Variants in LARS2 observed in about 807,000 individuals in gnomAD.
LARS2 encodes the protein leucyl-tRNA synthetase 2, mitochondrial, also known as leucine--tRNA ligase, mitochondrial.
A neutral mutation model predicts 116.6 loss-of-function variants in LARS2; 81 were observed. That is an observed-to-expected ratio of 0.69 (90% CI 0.58 to 0.84). The LOEUF (loss-of-function observed/expected upper bound fraction) is 0.84, where lower values mean the gene tolerates loss of function less well. Among genes scored for constraint, LARS2 ranks in the 40% least tolerant of loss-of-function variants. The pLI, the probability that LARS2 is intolerant of heterozygous loss-of-function variation, is 0.00. For synonymous variants in LARS2, 396 were observed against 407.2 expected (o/e 0.97, Z 0.33); for missense variants, 968 against 1,114.5 (o/e 0.87, Z 1.87).
chr3:45,394,950 G>A (rs1242630110), intron 3 of LARS2, among the ~76,000 whole-genome samples: 1 of 152,158 alleles, frequency 6.6e-6, no homozygotes, highest in Non-Finnish European at 1.5e-5. Flanking sequence ...CAATGTGGTG[G>A]ATGCACACAT....
chr3:45,539,405 C>T (rs760367859), intron 20 of LARS2, among the ~76,000 whole-genome samples: 82 of 152,124 alleles, frequency 5.4e-4, no homozygotes, highest in Non-Finnish European at 7.8e-4. Flanking sequence ...CTGAGGCAGG[C>T]GGATCGCTTG....
At chr3:45,488,923 C>A in intron 12 of LARS2, 111 bp downstream of exon 12, 1 of 763,910 alleles carries the variant, frequency 1.3e-6, no homozygotes, top group South Asian at 1.4e-5. Flanking sequence ...CCATACCTAA[C>A]AGCCTTGTGG....
rs138130091 is a variant in LARS2, at chr3:45,467,804, A to T, written c.751-6439A>T. On this transcript the variant is annotated intron_variant, in intron 8 of 21. Transcript: ENST00000645846. ...TCTCTTCCAAATTTTCCATAAAAAG[A>T]TTATTGCTGGGCAAGGTGGCTCATG... Among the ~76,000 whole-genome samples, 843 of 152,332 alleles carry T rather than the reference A, an allele frequency of 5.5e-3. 3 individuals are homozygous for T. The highest frequency in any genetic ancestry group is 9.0e-3 in the Non-Finnish European group (614 of 68,024).
At chr3:45,471,313 A>T (rs963984611) in intron 8 of LARS2, among the ~76,000 whole-genome samples, 6 of 152,186 alleles carry the variant, frequency 3.9e-5, no homozygotes, top group Non-Finnish European at 7.3e-5. Flanking sequence ...GTTGTTCGAG[A>T]TGTTGATTTC....
At position 45,516,094 on chromosome 3, in the gene LARS2, G is replaced by A. The variant is rs1268401733; in HGVS notation, c.1862G>A (p.Gly621Asp). The change falls in exon 17 of 22, where the codon GGT becomes GAT. Residue 621 changes from glycine (G) to aspartate (D), a missense_variant and splice_region_variant. Transcript: ENST00000645846. ...ACCTATGGATTATTTTGGCATCTAG[G>A]TTCCGTTCCTGTTCATGCAAAAACG... The part of the protein sequence containing the change: ...YLQREEVDLT[G>D]SVPVHAKTKE... 6.2e-7 allele frequency: 1 copy of A among 1,613,492 alleles called. No homozygotes were observed. Among genetic ancestry groups the A allele is most frequent in the African/African-American group, 1.3e-5 (1 of 74,898 alleles).
intron 7 of LARS2, among the ~76,000 whole-genome samples, chr3:45,450,699 C>T (rs748829794): frequency 5.3e-5 from 8 of 152,146 alleles, no homozygotes; most frequent in Non-Finnish European, 1.0e-4. Flanking sequence ...GATATCTCTT[C>T]GGTAATCCTG....
intron 8 of LARS2, among the ~76,000 whole-genome samples, chr3:45,468,589 C>T (rs551107546): frequency 1.1e-4 from 16 of 152,294 alleles, no homozygotes; most frequent in South Asian, 2.1e-4. Context: ...TGGCCTTCAT[C>T]GTCTGCATTC....
intron 7 of LARS2, among the ~76,000 whole-genome samples, chr3:45,450,668 C>T (rs755654029): frequency 2.0e-5 from 3 of 152,154 alleles, no homozygotes; most frequent in African/African-American, 4.8e-5. Flanking sequence ...TGAATAGTGC[C>T]ACAATAAGCA....
intron 8 of LARS2, among the ~76,000 whole-genome samples, chr3:45,459,126 C>T (rs974529934): frequency 5.3e-5 from 8 of 152,048 alleles, no homozygotes; most frequent in African/African-American, 1.9e-4. Context: ...TGTTTGCTGA[C>T]GTTTCAACTT....
At position 45,417,498 on chromosome 3, in the gene LARS2, G is replaced by A; in HGVS notation, c.380G>A (p.Gly127Glu). 4 of 1,613,894 alleles carry A rather than the reference G, an allele frequency of 2.5e-6. No homozygotes were observed. Among genetic ancestry groups the A allele is most frequent in the Non-Finnish European group, 3.4e-6 (4 of 1,179,756 alleles). Residue 127 changes from glycine (G) to glutamate (E), a missense_variant, in exon 5 of 22, where the codon GGA (glycine) becomes GAA (glutamate). Coordinates refer to ENST00000645846, the MANE Select transcript of LARS2 (RefSeq NM_015340.4). The part of the protein sequence containing the change: ...MRGMQVINPM[G>E]WDAFGLPAEN... ...GGGTCCTAGGTCATCAACCCCATGG[G>A]ATGGGATGCTTTTGGATTGCCTGCT... is the stretch of plus-strand genomic sequence containing the variant.
At chr3:45,437,189 T>C (rs1435006653) in intron 6 of LARS2, among the ~76,000 whole-genome samples, 1 of 152,222 alleles carries the variant, frequency 6.6e-6, no homozygotes, top group African/African-American at 2.4e-5. Flanking sequence ...ATTTAAGAAT[T>C]TAGCTTTTAG....
intron 5 of LARS2, among the ~76,000 whole-genome samples, chr3:45,418,833 C>G (rs1217061171): frequency 6.6e-6 from 1 of 152,238 alleles, no homozygotes; most frequent in African/African-American, 2.4e-5. Context: ...GCCAGCAGAT[C>G]ACCTTGAGCA....
intron 7 of LARS2, among the ~76,000 whole-genome samples, chr3:45,452,644 T>A (rs1157887527): frequency 6.6e-6 from 1 of 152,126 alleles, no homozygotes; most frequent in East Asian, 1.9e-4. Context: ...TGGCCTATAG[T>A]TTTCTTTTTT....
intron 6 of LARS2, among the ~76,000 whole-genome samples, chr3:45,441,023 CTTTT>C (rs148736694): frequency 3.2e-4 from 28 of 87,076 alleles, no homozygotes; most frequent in Middle Eastern, 6.5e-3. Context: ...ATCACACACT[CTTTT>C]TTTTTTTTTT....
intron 4 of LARS2, 87 bp from the exon 5 acceptor site, chr3:45,417,395 G>C: frequency 1.0e-6 from 1 of 971,684 alleles, no homozygotes; most frequent in Non-Finnish European, 1.7e-6. Flanking sequence ...ATGTTAGCAG[G>C]AGAGAGTGCT....
intron 20 of LARS2, among the ~76,000 whole-genome samples, chr3:45,533,569 A>G (rs921893164): frequency 1.3e-5 from 2 of 152,164 alleles, no homozygotes; most frequent in African/African-American, 2.4e-5. Context: ...TCGCCCGTTC[A>G]TCTTCCTTCT....
chr3:45,401,583 G>A (rs1201620647), intron 4 of LARS2, among the ~76,000 whole-genome samples: 4 of 152,010 alleles, frequency 2.6e-5, no homozygotes, highest in Non-Finnish European at 5.9e-5. Context: ...CCCTTCCTTG[G>A]CTGATGTGGG....
chr3:45,535,431 G>A (rs1275769383), intron 20 of LARS2, among the ~76,000 whole-genome samples: 1 of 151,906 alleles, frequency 6.6e-6, no homozygotes, highest in Admixed American at 6.6e-5. Flanking sequence ...GGTGGTGCTC[G>A]TGTTGGAGAC....
At chr3:45,439,307 C>A (rs1174961568) in intron 6 of LARS2, among the ~76,000 whole-genome samples, 2 of 149,542 alleles carry the variant, frequency 1.3e-5, no homozygotes, top group South Asian at 2.1e-4. Flanking sequence ...CCGCAACCTC[C>A]GCCTCCTGGA....
Sources: allele counts gnomAD v4.1 joint callset (sites outside exome capture counted in the v4.1 genomes callset), GRCh38; gene constraint gnomAD v4.1.1; transcripts MANE v1.5; gene names NCBI Gene and HGNC (gene_info 2026-07-23, HGNC 2026-07-21).